Variants in BBX observed in about 807,000 individuals in gnomAD.
The protein encoded by BBX is BBX high mobility group box domain containing.
A neutral mutation model predicts 100.2 loss-of-function variants in BBX; 30 were observed. The observed-to-expected ratio is 0.30, with a 90% CI of 0.22 to 0.41. BBX has a LOEUF of 0.41. Ranked by LOEUF, BBX falls within the 10% of genes least tolerant of loss-of-function variation. The pLI is 1.00. For missense variants in BBX, 1,023 were observed against 1,129.8 expected, an observed-to-expected ratio of 0.91 and a Z score of 1.35; for synonymous variants, 376 against 388.1, an observed-to-expected ratio of 0.97 and a Z score of 0.37.
chr3:107,751,267 G>A (rs893860508), intron 9 of BBX, among the ~76,000 whole-genome samples: 1 of 152,164 alleles, frequency 6.6e-6, no homozygotes, highest in Non-Finnish European at 1.5e-5. Flanking sequence ...TACACTTAAA[G>A]AGAAGTGGGT....
intron 10 of BBX, among the ~76,000 whole-genome samples, chr3:107,762,343 C>A (rs1400220860): frequency 6.6e-6 from 1 of 152,166 alleles, no homozygotes; most frequent in African/African-American, 2.4e-5. Context: ...GTTGTTGCAG[C>A]AAACTACAGA....
intron 2 of BBX, among the ~76,000 whole-genome samples, chr3:107,564,681 G>A (rs2050749431): frequency 6.6e-6 from 1 of 152,102 alleles, no homozygotes; most frequent in Admixed American, 6.5e-5. Flanking sequence ...ATGTTTTTGA[G>A]ATGTTTTTTT....
chr3:107,643,225 C>G (rs1012357070), intron 2 of BBX, among the ~76,000 whole-genome samples: 1 of 152,128 alleles, frequency 6.6e-6, no homozygotes. Flanking sequence ...AGAGCTGTGT[C>G]AAAAAGCCAG....
At chr3:107,535,920 C>G (rs2048462671) in intron 2 of BBX, among the ~76,000 whole-genome samples, 1 of 152,132 alleles carries the variant, frequency 6.6e-6, no homozygotes, top group Admixed American at 6.5e-5. Flanking sequence ...CTTTTAAATA[C>G]TTAATCAGTG....
intron 2 of BBX, among the ~76,000 whole-genome samples, chr3:107,639,198 T>C (rs1436504644): frequency 6.6e-6 from 1 of 152,202 alleles, no homozygotes; most frequent in Non-Finnish European, 1.5e-5. Flanking sequence ...TGTGATTTTG[T>C]AATATATTGC....
At chr3:107,577,610 G>A (rs914992983) in intron 2 of BBX, among the ~76,000 whole-genome samples, 1 of 152,128 alleles carries the variant, frequency 6.6e-6, no homozygotes, top group African/African-American at 2.4e-5. Context: ...TGAATAGTGA[G>A]GTAAGACATA....
chr3:107,540,438 G>A (rs567782253), intron 2 of BBX, among the ~76,000 whole-genome samples: 6 of 152,260 alleles, frequency 3.9e-5, no homozygotes, highest in Middle Eastern at 3.4e-3. Context: ...GAATTACTCC[G>A]TTTTATATTA....
At chr3:107,727,003 T>G (rs1030347845) in intron 5 of BBX, among the ~76,000 whole-genome samples, 1 of 152,152 alleles carries the variant, frequency 6.6e-6, no homozygotes, top group African/African-American at 2.4e-5. Context: ...TGATTGGTGC[T>G]TTAAAATTGG....
intron 6 of BBX, among the ~76,000 whole-genome samples, chr3:107,730,668 C>T (rs969110122): frequency 4.6e-5 from 7 of 152,026 alleles, no homozygotes; most frequent in East Asian, 1.9e-4. Context: ...CTTTACAGAT[C>T]GGTATTTAAG....
intron 15 of BBX, among the ~76,000 whole-genome samples, chr3:107,796,188 C>T (rs1349382750): frequency 6.6e-6 from 1 of 152,216 alleles, no homozygotes; most frequent in African/African-American, 2.4e-5. Flanking sequence ...TCTGGTCTCT[C>T]TGTGACTGTT....
At chr3:107,800,339 AAC>A (rs2070302947) in intron 16 of BBX, among the ~76,000 whole-genome samples, 1 of 152,226 alleles carries the variant, frequency 6.6e-6, no homozygotes, top group Non-Finnish European at 1.5e-5. Flanking sequence ...GAAATATGAG[AAC>A]AGTCCCATTT....
At chr3:107,652,015 G>A (rs1017728205) in intron 3 of BBX, among the ~76,000 whole-genome samples, 3 of 152,066 alleles carry the variant, frequency 2.0e-5, no homozygotes, top group Admixed American at 2.0e-4. Flanking sequence ...TCTCTCCCTT[G>A]GACACCTAAG....
chr3:107,718,163 A>G (rs940415688), intron 5 of BBX, among the ~76,000 whole-genome samples: 10 of 148,832 alleles, frequency 6.7e-5, no homozygotes, highest in African/African-American at 2.4e-4. Context: ...AAAATTATTA[A>G]TAATTATATT....
chr3:107,716,076 G>A (rs1285791934), intron 4 of BBX, among the ~76,000 whole-genome samples: 1 of 152,076 alleles, frequency 6.6e-6, no homozygotes, highest in Non-Finnish European at 1.5e-5. Context: ...ACCTTTTTAT[G>A]TCTTACTTTC....
chr3:107,618,276 G>A (rs1576517707), intron 2 of BBX, among the ~76,000 whole-genome samples: 1 of 151,880 alleles, frequency 6.6e-6, no homozygotes, highest in East Asian at 1.9e-4. Context: ...TTTTGCTTAT[G>A]TTTTGTTAGG....
At chr3:107,560,184 G>C (rs2050381312) in intron 2 of BBX, among the ~76,000 whole-genome samples, 1 of 151,218 alleles carries the variant, frequency 6.6e-6, no homozygotes, top group Non-Finnish European at 1.5e-5. Flanking sequence ...CTAATTCAGT[G>C]TAGGGAAAAT....
intron 2 of BBX, among the ~76,000 whole-genome samples, chr3:107,542,118 T>A (rs950442329): frequency 6.6e-6 from 1 of 152,236 alleles, no homozygotes; most frequent in Admixed American, 6.5e-5. Flanking sequence ...CAGGATCAAT[T>A]ATTCAATTAA....
chr3:107,775,663 A>G (rs541451071), intron 12 of BBX, among the ~76,000 whole-genome samples: 2 of 152,308 alleles, frequency 1.3e-5, no homozygotes, highest in South Asian at 4.1e-4. Context: ...GTTTAAAGCT[A>G]TGCAAATTGT....
At chr3:107,690,407 C>T (rs754819460) in intron 3 of BBX, among the ~76,000 whole-genome samples, 3 of 152,050 alleles carry the variant, frequency 2.0e-5, no homozygotes, top group Admixed American at 6.6e-5. Flanking sequence ...TCACAAAGTA[C>T]GTTGGAGATT....
Sources: allele counts gnomAD v4.1 joint callset (sites outside exome capture counted in the v4.1 genomes callset), GRCh38; gene constraint gnomAD v4.1.1; transcripts MANE v1.5; gene names NCBI Gene and HGNC (gene_info 2026-07-23, HGNC 2026-07-21).